The following LUZP2 variants were observed in gnomAD, a reference collection of about 807,000 sequenced individuals.
LUZP2 encodes the protein leucine zipper protein 2.
In LUZP2, 52 loss-of-function variants were observed where a neutral mutation model predicts 51.6. That is an observed-to-expected ratio of 1.01 (90% CI 0.81 to 1.27). LUZP2 has a LOEUF of 1.27. LUZP2 is among the 50% of genes most tolerant of loss of function. The pLI, the probability that LUZP2 is intolerant of heterozygous loss-of-function variation, is 0.00. For missense variants in LUZP2, 436 were observed against 395.4 expected, an observed-to-expected ratio of 1.10 and a Z score of -0.87; for synonymous variants, 154 against 137.3, an observed-to-expected ratio of 1.12 and a Z score of -0.85.
intron 1 of LUZP2, among the ~76,000 whole-genome samples, chr11:24,547,317 G>A (rs1043724187): frequency 2.2e-4 from 33 of 152,028 alleles, no homozygotes; most frequent in African/African-American, 7.5e-4. Flanking sequence ...ACTTCAAACT[G>A]TACTACAAGG....
At chr11:24,730,781 T>C (rs952050653) in intron 2 of LUZP2, among the ~76,000 whole-genome samples, 2 of 151,822 alleles carry the variant, frequency 1.3e-5, no homozygotes, top group Non-Finnish European at 2.9e-5. Flanking sequence ...TATAACAGTC[T>C]AGAAAGTTGC....
At chr11:24,506,781 A>G (rs1850157970) in intron 1 of LUZP2, among the ~76,000 whole-genome samples, 1 of 152,064 alleles carries the variant, frequency 6.6e-6, no homozygotes, top group African/African-American at 2.4e-5. Flanking sequence ...CACTCATTAA[A>G]TGACTATCCC....
intron 1 of LUZP2, among the ~76,000 whole-genome samples, chr11:24,577,272 G>T (rs1285368283): frequency 1.3e-5 from 2 of 151,794 alleles, no homozygotes; most frequent in Non-Finnish European, 2.9e-5. Context: ...TTAAAATTAT[G>T]ACTTCATGAA....
At chr11:24,870,923 T>C (rs937455604) in intron 5 of LUZP2, among the ~76,000 whole-genome samples, 53 of 152,062 alleles carry the variant, frequency 3.5e-4, no homozygotes, top group Non-Finnish European at 8.8e-5. Flanking sequence ...GATGAATTTC[T>C]ATATATTCAG....
chr11:25,000,786 G>A (rs1026130038), intron 9 of LUZP2, among the ~76,000 whole-genome samples: 46 of 152,194 alleles, frequency 3.0e-4, no homozygotes, highest in African/African-American at 1.1e-3. Context: ...TCCTTTCTCA[G>A]CAGTGAGGAG....
chr11:24,738,669 GA>G (rs1432269251), intron 4 of LUZP2, among the ~76,000 whole-genome samples: 3 of 152,010 alleles, frequency 2.0e-5, no homozygotes, highest in Non-Finnish European at 4.4e-5. Context: ...CACATCCACT[GA>G]ATAAGGATCT....
intron 9 of LUZP2, among the ~76,000 whole-genome samples, chr11:25,033,036 G>T (rs1857737967): frequency 6.6e-6 from 1 of 152,118 alleles, no homozygotes; most frequent in Non-Finnish European, 1.5e-5. Flanking sequence ...ATCTAACTTT[G>T]GCAAACATTC....
At chr11:24,788,860 A>G (rs1825727) in intron 5 of LUZP2, among the ~76,000 whole-genome samples, 137,496 of 151,966 alleles carry the variant, frequency 0.9, 63,520 homozygotes, top group Non-Finnish European at 1. Flanking sequence ...AGGCCTTTGA[A>G]TGCTTGGACA....
intron 4 of LUZP2, among the ~76,000 whole-genome samples, chr11:24,758,752 A>G (rs557592775): frequency 9.9e-5 from 15 of 152,126 alleles, no homozygotes; most frequent in African/African-American, 3.4e-4. Context: ...CTAAACATCA[A>G]ATTACTATGG....
intron 7 of LUZP2, among the ~76,000 whole-genome samples, chr11:24,962,719 T>G (rs567003941): frequency 5.9e-5 from 9 of 152,296 alleles, no homozygotes; most frequent in African/African-American, 1.9e-4. Context: ...AATTTCCTCC[T>G]GTAGCTCATA....
At chr11:24,878,532 G>C (rs1014320833) in intron 5 of LUZP2, among the ~76,000 whole-genome samples, 1 of 151,886 alleles carries the variant, frequency 6.6e-6, no homozygotes, top group Non-Finnish European at 1.5e-5. Flanking sequence ...AGTCTTCTTC[G>C]GGTTAACTTT....
At chr11:24,590,269 A>C (rs116588888) in intron 1 of LUZP2, among the ~76,000 whole-genome samples, 3 of 152,140 alleles carry the variant, frequency 2.0e-5, no homozygotes, top group Admixed American at 2.0e-4. Flanking sequence ...TAGGGTTTTT[A>C]AATTATTTAC....
At chr11:24,985,133 C>T (rs1290426745) in intron 9 of LUZP2, among the ~76,000 whole-genome samples, 1 of 151,508 alleles carries the variant, frequency 6.6e-6, no homozygotes, top group Non-Finnish European at 1.5e-5. Context: ...GTTTTGTATT[C>T]AACTACATTG....
intron 1 of LUZP2, among the ~76,000 whole-genome samples, chr11:24,506,743 A>G (rs531735822): frequency 6.6e-6 from 1 of 152,126 alleles, no homozygotes; most frequent in South Asian, 2.1e-4. Flanking sequence ...TTCATATATG[A>G]TTCATCACTA....
intron 5 of LUZP2, among the ~76,000 whole-genome samples, chr11:24,867,553 T>G (rs575260903): frequency 6.6e-6 from 1 of 152,264 alleles, no homozygotes; most frequent in South Asian, 2.1e-4. Flanking sequence ...TGCAAGCTCC[T>G]TGGAGTTCCT....
intron 1 of LUZP2, among the ~76,000 whole-genome samples, chr11:24,538,648 T>TTA (rs1265150066): frequency 2.3e-5 from 2 of 88,766 alleles, no homozygotes; most frequent in African/African-American, 4.0e-5. Context: ...TATGTGTTTT[T>TTA]TATATGTGTG....
chr11:24,922,924 C>T (rs1433289469), intron 7 of LUZP2, among the ~76,000 whole-genome samples: 1 of 138,346 alleles, frequency 7.2e-6, no homozygotes, highest in Non-Finnish European at 1.5e-5. Flanking sequence ...TCTCGGCTTA[C>T]TGAAAGCTCC....
chr11:24,958,763 T>C (rs1855292090), intron 7 of LUZP2, among the ~76,000 whole-genome samples: 2 of 152,314 alleles, frequency 1.3e-5, no homozygotes, highest in Admixed American at 1.3e-4. Context: ...TTTAATTAGA[T>C]CCCATTTGTC....
At chr11:24,947,138 T>C (rs1305007230) in intron 7 of LUZP2, among the ~76,000 whole-genome samples, 1 of 152,034 alleles carries the variant, frequency 6.6e-6, no homozygotes, top group Non-Finnish European at 1.5e-5. Flanking sequence ...AATTTCCATA[T>C]ATTTTGTATA....
Sources: allele counts gnomAD v4.1 joint callset (sites outside exome capture counted in the v4.1 genomes callset), GRCh38; gene constraint gnomAD v4.1.1; transcripts MANE v1.5; gene names NCBI Gene and HGNC (gene_info 2026-07-23, HGNC 2026-07-21).